DRC8: variants seen among roughly 807,000 people sequenced by gnomAD.
DRC8 encodes the protein dynein regulatory complex protein 8.
chr1:245,061,157 G>A, the DRC8 span, among the ~76,000 whole-genome samples: 1 of 152,218 alleles, frequency 6.6e-6, no homozygotes, highest in Non-Finnish European at 1.5e-5. Context: ...GGCCTTCAAT[G>A]AGCCACTTAA....
chr1:245,034,145 C>A, the DRC8 span, among the ~76,000 whole-genome samples: 4 of 152,150 alleles, frequency 2.6e-5, no homozygotes, highest in Non-Finnish European at 5.9e-5. Flanking sequence ...TCATTTACAC[C>A]CTTTCTGGGA....
chr1:245,008,724 A>AAG, the DRC8 span, among the ~76,000 whole-genome samples: 12 of 148,220 alleles, frequency 8.1e-5, no homozygotes, highest in Admixed American at 6.1e-4. Context: ...GCTGCAGTGC[A>AAG]GTGGTGCTAT....
chr1:244,995,394 A>G, the DRC8 span, among the ~76,000 whole-genome samples: 5 of 151,768 alleles, frequency 3.3e-5, no homozygotes, highest in Non-Finnish European at 7.4e-5. Context: ...TTCTCACTCT[A>G]TCCCCCAGGC....
chr1:245,011,198 C>G, the DRC8 span, among the ~76,000 whole-genome samples: 1 of 152,126 alleles, frequency 6.6e-6, no homozygotes, highest in Non-Finnish European at 1.5e-5. Context: ...AACAAAGTTT[C>G]TCTACATAGA....
chr1:245,069,376 G>T, the DRC8 span, among the ~76,000 whole-genome samples: 7 of 152,242 alleles, frequency 4.6e-5, no homozygotes, highest in South Asian at 1.0e-3. Context: ...CATCATAAAG[G>T]TCTCGTCCTC....
the DRC8 span, among the ~76,000 whole-genome samples, chr1:245,062,539 G>T: frequency 1.3e-5 from 2 of 152,162 alleles, no homozygotes; most frequent in Non-Finnish European, 2.9e-5. Flanking sequence ...TTATTTAGAG[G>T]TCTATGTCTT....
chr1:245,063,434 ATTCC>A, the DRC8 span, among the ~76,000 whole-genome samples: 2 of 151,966 alleles, frequency 1.3e-5, no homozygotes, highest in African/African-American at 2.4e-5. Context: ...TTCCTATCTA[ATTCC>A]TTTTGCGATT....
the DRC8 span, among the ~76,000 whole-genome samples, chr1:245,048,929 A>G: frequency 6.6e-6 from 1 of 151,622 alleles, no homozygotes; most frequent in African/African-American, 2.4e-5. Flanking sequence ...CAGTTTCCCA[A>G]GTAGCTGGGA....
At chr1:245,026,692 G>C in the DRC8 span, among the ~76,000 whole-genome samples, 207 of 152,306 alleles carry the variant, frequency 1.4e-3, 1 homozygote, top group South Asian at 0.011. Flanking sequence ...TCACATGTAT[G>C]AATGAAGTGA....
chr1:245,078,262 C>T, the DRC8 span, among the ~76,000 whole-genome samples: 1 of 152,118 alleles, frequency 6.6e-6, no homozygotes, highest in East Asian at 1.9e-4. Context: ...CTACGGAAAA[C>T]AGTACGGGGG....
At chr1:245,122,946 T>G in the DRC8 span, 2 of 152,244 alleles carry the variant, frequency 1.3e-5, no homozygotes, top group Non-Finnish European at 2.9e-5. Flanking sequence ...TGTGTGTCTG[T>G]GGATTTGCCT....
the DRC8 span, chr1:245,087,610 G>A: frequency 9.2e-7 from 1 of 1,085,612 alleles, no homozygotes; most frequent in Middle Eastern, 4.1e-4. Flanking sequence ...AGAATGGATT[G>A]TTGTTTATTT....
the DRC8 span, among the ~76,000 whole-genome samples, chr1:245,002,615 C>T: frequency 1.3e-5 from 2 of 149,118 alleles, no homozygotes; most frequent in Non-Finnish European, 3.0e-5. Flanking sequence ...ACTTCCCAGG[C>T]TCAAGCCATC....
chr1:245,067,384 T>G, the DRC8 span, among the ~76,000 whole-genome samples: 9 of 152,046 alleles, frequency 5.9e-5, no homozygotes, highest in Non-Finnish European at 1.3e-4. Context: ...AATGTTACAG[T>G]TTTTTTTATA....
chr1:244,990,382 A>G, the DRC8 span, among the ~76,000 whole-genome samples: 3 of 152,320 alleles, frequency 2.0e-5, no homozygotes, highest in South Asian at 6.2e-4. Context: ...AGGGGAAAAC[A>G]TAGTATATAT....
the DRC8 span, among the ~76,000 whole-genome samples, chr1:245,025,288 G>A: frequency 3.9e-5 from 6 of 152,108 alleles, no homozygotes; most frequent in East Asian, 1.9e-4. Flanking sequence ...AACAAATCCA[G>A]TTTTTTTGTA....
the DRC8 span, among the ~76,000 whole-genome samples, chr1:245,105,645 A>C: frequency 5.3e-5 from 8 of 151,886 alleles, no homozygotes; most frequent in South Asian, 2.1e-4. Context: ...AAAACAAAAA[A>C]CAAAAACAAA....
chr1:245,123,136 C>T, the DRC8 span: 1 of 152,162 alleles, frequency 6.6e-6, no homozygotes, highest in Non-Finnish European at 1.5e-5. The surrounding 1 kb of genome is among the most constrained non-coding windows in gnomAD (Gnocchi z 5.0). Context: ...AGGAGACTGG[C>T]TACAGGGATT....
the DRC8 span, among the ~76,000 whole-genome samples, chr1:244,987,698 A>T: frequency 6.6e-6 from 1 of 151,996 alleles, no homozygotes; most frequent in Non-Finnish European, 1.5e-5. Flanking sequence ...ATTGGGTCAA[A>T]TAGAACAATA....
Sources: allele counts gnomAD v4.1 joint callset (sites outside exome capture counted in the v4.1 genomes callset), GRCh38; gene constraint gnomAD v4.1.1; non-coding constraint Gnocchi (gnomAD v3.1); transcripts MANE v1.5; gene names NCBI Gene and HGNC (gene_info 2026-07-23, HGNC 2026-07-21).